Variants in RASA3 observed in about 807,000 individuals in gnomAD.
RASA3 encodes the protein RAS p21 protein activator 3.
A neutral mutation model predicts 110.0 loss-of-function variants in RASA3; 73 were observed. The ratio of observed to expected loss-of-function variants is 0.66; its 90% CI spans 0.55 to 0.81. RASA3 has a LOEUF of 0.81. Ranked by LOEUF, RASA3 falls within the 30% of genes least tolerant of loss-of-function variation. The pLI is 0.00. For synonymous variants in RASA3, 500 were observed against 451.4 expected, an observed-to-expected ratio of 1.11 and a Z score of -1.37; for missense variants, 976 against 1,113.2, an observed-to-expected ratio of 0.88 and a Z score of 1.75.
At chr13:113,993,183 A>G (rs1256469422) in intron 21 of RASA3, among the ~76,000 whole-genome samples, 1 of 152,068 alleles carries the variant, frequency 6.6e-6, no homozygotes, top group Non-Finnish European at 1.5e-5. Context: ...TGCTCATTCT[A>G]TGTCTGCTTC....
At position 114,017,972 on chromosome 13, in the gene RASA3, G is replaced by A; in HGVS notation, c.1091+132C>T. The A allele has an allele frequency of 2.8e-6, 3 of 1,066,944 alleles. 1 individual carries two copies. Among genetic ancestry groups the A allele is most frequent in the South Asian group, 4.4e-5 (2 of 45,132 alleles). 66.1% of individuals were successfully genotyped at this position (1,066,944 alleles called of 1,614,324 possible). Reference sequence around the variant, plus strand: ...TAACTGGGTCTGTGAAAGAAAACCTGAATCAACATGGTTTCTGGGGACCCT... The same window carrying A: ...TAACTGGGTCTGTGAAAGAAAACCTAAATCAACATGGTTTCTGGGGACCCT... On this transcript the variant is annotated intron_variant, in intron 11 of 23. Transcript: ENST00000334062.
chr13:114,058,685 C>G (rs2079287515), intron 2 of RASA3, among the ~76,000 whole-genome samples: 1 of 152,244 alleles, frequency 6.6e-6, no homozygotes, highest in African/African-American at 2.4e-5. Context: ...CCTCGGAGGA[C>G]TGGTCATGGG....
intron 2 of RASA3, among the ~76,000 whole-genome samples, chr13:114,067,057 C>A (rs2079466458): frequency 6.8e-6 from 1 of 147,422 alleles, no homozygotes; most frequent in African/African-American, 2.5e-5. Context: ...GCCCCCTGAC[C>A]TGGGCTGAGG....
At chr13:113,996,784 G>A in intron 20 of RASA3, 45 bp from the exon 21 acceptor site, 7 of 1,544,198 alleles carry the variant, frequency 4.5e-6, no homozygotes, top group Non-Finnish European at 6.2e-6. Flanking sequence ...GAGGTCTCGT[G>A]GCTGAGCACG....
intron 14 of RASA3, 128 bp downstream of exon 14, chr13:114,015,081 G>T: frequency 7.8e-7 from 1 of 1,288,424 alleles, no homozygotes; most frequent in Non-Finnish European, 1.1e-6. Flanking sequence ...ATCCAGCATC[G>T]GAACTGGGGT....
chr13:114,058,856 G>T (rs2079290052), intron 2 of RASA3, among the ~76,000 whole-genome samples: 1 of 152,242 alleles, frequency 6.6e-6, no homozygotes, highest in African/African-American at 2.4e-5. Flanking sequence ...AGAAGTGGGA[G>T]TTGAAGGCCA....
In RASA3 at chr13:113,996,713, A is replaced by C; in HGVS notation, c.1959T>G (p.Arg653=). The change falls in exon 21 of 24, where the codon CGT becomes CGG. Residue 653 remains arginine (R), a synonymous_variant. Coordinates refer to ENST00000334062, the MANE Select transcript of RASA3 (RefSeq NM_007368.4). The part of the protein sequence containing the change: ...KNMFQVIQPE[R]ALYIQANNCV... The stretch of plus-strand genomic sequence containing the variant: ...AGTTGTTGGCCTGGATGTACAGCGC[A>C]CGCTCTGGCTGGATGACCTGGAACA... The C allele has an allele frequency of 1.9e-6, 3 of 1,613,712 alleles. No individual in the cohort carries two copies. The highest frequency in any genetic ancestry group is 2.5e-6 in the Non-Finnish European group (3 of 1,179,998).
At position 114,013,257 on chromosome 13, in the gene RASA3, G is replaced by C; in HGVS notation, c.1406-9C>G. The C allele has an allele frequency of 6.2e-7, 1 of 1,605,364 alleles. No homozygotes were observed. The highest frequency in any genetic ancestry group is 1.1e-5 in the South Asian group (1 of 89,598). On this transcript the variant is annotated splice_polypyrimidine_tract_variant and intron_variant, in intron 14 of 23. Transcript: ENST00000334062. Reference sequence around the variant, plus strand: ...CCTGACGTCCGGGTCATCTGCGGGAGAGAGAAGCAGGGTGACCGTTTTCCT... The same window carrying C: ...CCTGACGTCCGGGTCATCTGCGGGACAGAGAAGCAGGGTGACCGTTTTCCT...
At chr13:114,058,425 G>T (rs2079281976) in intron 2 of RASA3, among the ~76,000 whole-genome samples, 1 of 152,266 alleles carries the variant, frequency 6.6e-6, no homozygotes, top group Admixed American at 6.5e-5. Flanking sequence ...CTCCTCGGGT[G>T]CTCACCAGCC....
At chr13:114,007,687 C>A in intron 17 of RASA3, 81 bp from the exon 18 acceptor site, 2 of 1,158,382 alleles carry the variant, frequency 1.7e-6, no homozygotes. Context: ...ACAGCGTCGG[C>A]GGCTACTGCC....
rs2053632829 is a variant in RASA3 at position 114,011,270 on chromosome 13, A to G, written c.1513-22T>C. The stretch of plus-strand genomic sequence containing the variant: ...GGTCCTGGGGAGGCGGGAGCAAGAA[A>G]GGTCTATGTCAGCATCACAGAAATG... On this transcript the variant is annotated intron_variant, in intron 15 of 23. Transcript: ENST00000334062. The surrounding 1 kb of genome is among the most constrained non-coding windows in gnomAD (Gnocchi z 4.8). 1 of 1,593,286 alleles carries G rather than the reference A, an allele frequency of 6.3e-7. No individual in the cohort carries two copies. Among genetic ancestry groups the G allele is most frequent in the Non-Finnish European group, 8.6e-7 (1 of 1,163,854 alleles).
chr13:114,129,096 CA>C (rs1333754928), intron 1 of RASA3, among the ~76,000 whole-genome samples: 1 of 152,218 alleles, frequency 6.6e-6, no homozygotes, highest in African/African-American at 2.4e-5. Flanking sequence ...GCGGGGGCCC[CA>C]AAACAACGCC....
intron 18 of RASA3, among the ~76,000 whole-genome samples, chr13:114,003,838 G>A (rs2053456776): frequency 6.6e-6 from 1 of 152,200 alleles, no homozygotes. Context: ...TCCAGGCAAT[G>A]GGGACAGGAC....
At chr13:114,092,710 T>A (rs1012563699) in intron 1 of RASA3, among the ~76,000 whole-genome samples, 1 of 152,210 alleles carries the variant, frequency 6.6e-6, no homozygotes, top group Non-Finnish European at 1.5e-5. Flanking sequence ...CTCCAATGCT[T>A]CTTGTTGATT....
chr13:114,067,003 C>T (rs1021361985), intron 2 of RASA3, among the ~76,000 whole-genome samples: 59 of 147,694 alleles, frequency 4.0e-4, no homozygotes, highest in African/African-American at 1.4e-3. Flanking sequence ...ACGGGCCCCC[C>T]AACCTGGGCT....
At chr13:114,099,126 A>G (rs1482620885) in intron 1 of RASA3, among the ~76,000 whole-genome samples, 1 of 79,066 alleles carries the variant, frequency 1.3e-5, no homozygotes, top group Admixed American at 1.1e-4. Flanking sequence ...AGCCCCCCAG[A>G]CCACAGCAGT....
At chr13:114,044,785 T>G (rs568464693) in intron 3 of RASA3, among the ~76,000 whole-genome samples, 3 of 152,086 alleles carry the variant, frequency 2.0e-5, no homozygotes, top group African/African-American at 7.2e-5. Flanking sequence ...CGCCTTCAGC[T>G]GGACAGGAGG....
chr13:114,004,415 G>A (rs1408491669), intron 18 of RASA3, among the ~76,000 whole-genome samples: 3 of 152,048 alleles, frequency 2.0e-5, no homozygotes, highest in Non-Finnish European at 2.9e-5. Context: ...CCAAAGGACA[G>A]GGGGATAGAC....
chr13:114,051,147 G>A (rs534914929), intron 3 of RASA3, among the ~76,000 whole-genome samples: 103 of 152,296 alleles, frequency 6.8e-4, no homozygotes, highest in African/African-American at 2.3e-3. Flanking sequence ...GGCCAAGCTG[G>A]GGGTCCCCCT....
Sources: allele counts gnomAD v4.1 joint callset (sites outside exome capture counted in the v4.1 genomes callset), GRCh38; gene constraint gnomAD v4.1.1; non-coding constraint Gnocchi (gnomAD v3.1); transcripts MANE v1.5; gene names NCBI Gene and HGNC (gene_info 2026-07-23, HGNC 2026-07-21).